Variants in GPBP1 observed in about 807,000 individuals in gnomAD.
GPBP1 encodes the protein GC-rich promoter binding protein 1, also known as vasculin.
GPBP1 carries 13 observed loss-of-function variants against 56.5 expected under a neutral mutation model. That is an observed-to-expected ratio of 0.23 (90% CI 0.15 to 0.37). The LOEUF (loss-of-function observed/expected upper bound fraction) is 0.37. GPBP1 is among the 10% of genes least tolerant of loss of function. GPBP1 has a pLI of 1.00. For missense variants in GPBP1, 477 were observed against 572.3 expected (o/e 0.83, Z 1.70); for synonymous variants, 204 against 188.9 (o/e 1.08, Z -0.66).
At chr5:57,244,021 A>C (rs567690367) in intron 6 of GPBP1, among the ~76,000 whole-genome samples, 1 of 152,276 alleles carries the variant, frequency 6.6e-6, no homozygotes, top group South Asian at 2.1e-4. Flanking sequence ...CATATTTATA[A>C]AAATTTTTAT....
chr5:57,195,735 G>T (rs958427528), intron 2 of GPBP1, among the ~76,000 whole-genome samples: 2 of 151,936 alleles, frequency 1.3e-5, no homozygotes, highest in Non-Finnish European at 2.9e-5. Flanking sequence ...GCAGTGGCTC[G>T]TGAGCGCCTG....
In GPBP1 at chr5:57,231,331, TTA is replaced by T. The variant is rs1561359025; in HGVS notation, c.411+12_411+13del. On this transcript the variant is annotated intron_variant, in intron 5 of 11. Coordinates refer to ENST00000506184, the MANE Select transcript of GPBP1 (RefSeq NM_022913.4). ...TGAAGCTGAGGATTTTGTAAGTTTTTTATGACTTTTATACAAATGAAGTTTCT... is the reference window on the plus strand; with the variant it reads ...TGAAGCTGAGGATTTTGTAAGTTTTTTGACTTTTATACAAATGAAGTTTCT... 6.3e-7 allele frequency: 1 copy of T among 1,595,412 alleles called. No individual in the cohort carries two copies. The highest frequency in any genetic ancestry group is 1.1e-5 in the South Asian group (1 of 89,696).
chr5:57,256,349 A>G (rs1286464926), intron 10 of GPBP1, among the ~76,000 whole-genome samples: 3 of 152,210 alleles, frequency 2.0e-5, no homozygotes, highest in Non-Finnish European at 4.4e-5. Flanking sequence ...ATGAAGAGAT[A>G]GTATCAGTGA....
At position 57,186,373 on chromosome 5, in the gene GPBP1, G is replaced by A. The variant is rs147331183; in HGVS notation, c.-58+9973G>A. Among the ~76,000 whole-genome samples the A allele has an allele frequency of 6.4e-4, 97 of 150,590 alleles. 1 individual carries two copies. In the East Asian group the frequency reaches 0.018, roughly 27 times the overall value. On this transcript the variant is annotated intron_variant, in intron 2 of 11. Transcript: ENST00000506184. ...TGCACTCTGGTCTGGGTGACAGAGC[G>A]GGACCTTGCCTCTTTAAAAAAAAAA...
At chr5:57,217,330 TG>T (rs1755740450) in intron 3 of GPBP1, among the ~76,000 whole-genome samples, 1 of 152,090 alleles carries the variant, frequency 6.6e-6, no homozygotes, top group African/African-American at 2.4e-5. Context: ...CCCAGCACTT[TG>T]GGAGGCCGAG....
At chr5:57,208,121 C>G (rs1755314103) in intron 2 of GPBP1, among the ~76,000 whole-genome samples, 1 of 152,132 alleles carries the variant, frequency 6.6e-6, no homozygotes, top group Non-Finnish European at 1.5e-5. Context: ...CGCGAGGGAC[C>G]ATGCCCTTCC....
rs532660984 is a variant in GPBP1, at chr5:57,244,727, ATTTTTTTTTTTT to A, written c.479-1560_479-1549del. Among the ~76,000 whole-genome samples the A allele has an allele frequency of 6.4e-5, 6 of 93,154 alleles. No homozygotes were observed. The East Asian group carries it at 1.4e-3, about 21-fold the overall frequency. The allele number at this position is 93,154 out of a possible 152,430, so 61.1% of individuals were successfully genotyped here. On this transcript the variant is annotated intron_variant, in intron 6 of 11. Coordinates refer to ENST00000506184, the MANE Select transcript of GPBP1 (RefSeq NM_022913.4). ...TATTATTTACTATTCTTTGTTTGAGATTTTTTTTTTTTTTTTTTTTTTTTGAGATGGAGTCTT... is the reference window on the plus strand; with the variant it reads ...TATTATTTACTATTCTTTGTTTGAGATTTTTTTTTTTTGAGATGGAGTCTT...
chr5:57,238,695 T>TA (rs1184498703), intron 6 of GPBP1, among the ~76,000 whole-genome samples: 2 of 152,200 alleles, frequency 1.3e-5, no homozygotes, highest in African/African-American at 2.4e-5. Context: ...CTTAAGATAT[T>TA]AAAAAATCAG....
At position 57,247,089 on chromosome 5, in the gene GPBP1, A is replaced by G. The variant is rs762274155; in HGVS notation, c.678A>G (p.Lys226=). Residue 226 remains lysine (K), a synonymous_variant, in exon 8 of 12, where the codon AAA becomes AAG. Coordinates refer to ENST00000506184, the MANE Select transcript of GPBP1 (RefSeq NM_022913.4). ...AAPPTKPTQW[K]SQTKENKVGT... is the part of the protein sequence containing the mutation. ...TTTTTCTTTAGCCTACACAATGGAA[A>G]AGCCAAACAAAAGAAAATAAAGTTG... 1 of 1,613,130 alleles carries G rather than the reference A, an allele frequency of 6.2e-7. No individual in the cohort carries two copies. Among genetic ancestry groups the G allele is most frequent in the Non-Finnish European group, 8.5e-7 (1 of 1,179,624 alleles).
At chr5:57,232,171 A>G (rs1245228219) in intron 5 of GPBP1, among the ~76,000 whole-genome samples, 1 of 152,058 alleles carries the variant, frequency 6.6e-6, no homozygotes, top group African/African-American at 2.4e-5. Context: ...GATGCACACC[A>G]CTACACCTAG....
chr5:57,254,420 C>T (rs551857781), intron 10 of GPBP1, among the ~76,000 whole-genome samples: 29 of 152,134 alleles, frequency 1.9e-4, no homozygotes, highest in African/African-American at 6.5e-4. Flanking sequence ...GTAGGCTGGG[C>T]GTTGTGGCTC....
Position 57,230,691 on chromosome 5 carries a change from T to C in GPBP1, c.64-155T>C, listed in dbSNP as rs1433984660. The C allele has an allele frequency of 4.0e-5, 28 of 691,732 alleles. No individual in the cohort carries two copies. The East Asian group carries it at 7.4e-4, about 18-fold the overall frequency. 42.8% of individuals were successfully genotyped at this position (691,732 alleles called of 1,614,324 possible). On this transcript the variant is annotated intron_variant, in intron 3 of 11. Transcript: ENST00000506184. ...AAATGGACCATCGGTGAATCCATTA[T>C]ACAGTTACCCAGTTATCAAATACCT...
At chr5:57,220,161 TA>T (rs1022061015) in intron 3 of GPBP1, among the ~76,000 whole-genome samples, 27 of 149,614 alleles carry the variant, frequency 1.8e-4, no homozygotes, top group Middle Eastern at 3.5e-3. Flanking sequence ...TTTAAAAAAT[TA>T]AAAAAAAAAT....
chr5:57,184,641 A>G (rs1754206483), intron 2 of GPBP1, among the ~76,000 whole-genome samples: 2 of 152,210 alleles, frequency 1.3e-5, no homozygotes, highest in Admixed American at 6.6e-5. Flanking sequence ...TGGGGATCAC[A>G]TTGGATATCT....
intron 2 of GPBP1, among the ~76,000 whole-genome samples, chr5:57,192,872 A>G (rs1754588267): frequency 6.6e-6 from 1 of 152,056 alleles, no homozygotes; most frequent in Non-Finnish European, 1.5e-5. Context: ...ATGTATATGT[A>G]TCCAGAGCAG....
chr5:57,210,206 AAGTC>A (rs901884620), intron 2 of GPBP1, among the ~76,000 whole-genome samples: 11 of 152,206 alleles, frequency 7.2e-5, no homozygotes, highest in African/African-American at 1.4e-4. Flanking sequence ...TAAAAATTAA[AAGTC>A]AGGCATGTGC....
intron 5 of GPBP1, among the ~76,000 whole-genome samples, chr5:57,232,736 C>T (rs200021804): frequency 1.2e-4 from 18 of 152,286 alleles, no homozygotes; most frequent in East Asian, 3.9e-4. Context: ...CTCCTTTGTT[C>T]GGTGTACTCT....
At chr5:57,189,127 A>AT (rs1175375210) in intron 2 of GPBP1, among the ~76,000 whole-genome samples, 8 of 149,358 alleles carry the variant, frequency 5.4e-5, no homozygotes, top group African/African-American at 9.8e-5. Context: ...TACCCGGCTA[A>AT]TTTTTTTTTT....
intron 10 of GPBP1, among the ~76,000 whole-genome samples, chr5:57,254,345 T>C (rs991706068): frequency 2.0e-5 from 3 of 152,222 alleles, no homozygotes; most frequent in African/African-American, 7.2e-5. Flanking sequence ...CTCCAAATCA[T>C]GTCCTGTTTT....
Sources: allele counts gnomAD v4.1 joint callset (sites outside exome capture counted in the v4.1 genomes callset), GRCh38; gene constraint gnomAD v4.1.1; transcripts MANE v1.5; gene names NCBI Gene and HGNC (gene_info 2026-07-23, HGNC 2026-07-21).